Variants in ESRRG observed in about 807,000 individuals in gnomAD.
The protein encoded by ESRRG is estrogen-related receptor gamma.
ESRRG carries 13 observed loss-of-function variants against 44.0 expected under a neutral mutation model. The observed-to-expected ratio is 0.30, with a 90% confidence interval of 0.19 to 0.47. The LOEUF is 0.47. ESRRG is among the 20% of genes least tolerant of loss of function. ESRRG has a pLI of 1.00. For synonymous variants in ESRRG, 215 were observed against 214.6 expected, an observed-to-expected ratio of 1.00 and a Z score of -0.02; for missense variants, 395 against 580.6, an observed-to-expected ratio of 0.68 and a Z score of 3.29.
rs79792140 is a variant in ESRRG, at chr1:217,049,306, G to C, written c.-106+40201C>G. On this transcript the variant is annotated intron_variant, in intron 1 of 7. Transcript: ENST00000359162. ...TATGCTACTGTGAATCTCCAAGAAGGAGAATGAAGCCGGCACAGTCTCCTA... is the reference window on the plus strand; with the variant it reads ...TATGCTACTGTGAATCTCCAAGAAGCAGAATGAAGCCGGCACAGTCTCCTA... 7.3e-3 allele frequency among the ~76,000 whole-genome samples: 1,104 copies of C among 152,274 alleles called. 9 individuals carry two copies. Among genetic ancestry groups the C allele is most frequent in the Non-Finnish European group, 0.012 (793 of 68,024 alleles).
At chr1:216,527,785 C>T (rs1443089230) in intron 5 of ESRRG, among the ~76,000 whole-genome samples, 1 of 152,060 alleles carries the variant, frequency 6.6e-6, no homozygotes, top group Non-Finnish European at 1.5e-5. Flanking sequence ...TCTAAGGGCA[C>T]TTGTAAAATA....
intron 2 of ESRRG, among the ~76,000 whole-genome samples, chr1:216,903,577 C>A (rs1035329579): frequency 2.4e-4 from 36 of 151,768 alleles, no homozygotes; most frequent in African/African-American, 8.5e-4. Flanking sequence ...ACAGAGGAAA[C>A]AGCAGGCAGT....
At chr1:216,768,480 A>ATCTATCTATCTATCTATCTGTCTGTCTG (rs1553593172) in intron 2 of ESRRG, among the ~76,000 whole-genome samples, 2 of 150,170 alleles carry the variant, frequency 1.3e-5, no homozygotes, top group African/African-American at 4.9e-5. Context: ...CTATCTATCT[A>ATCTATCTATCTATCTATCTGTCTGTCTG]TCTATCTATC....
chr1:216,818,870 T>C (rs2095224449), intron 2 of ESRRG, among the ~76,000 whole-genome samples: 1 of 152,146 alleles, frequency 6.6e-6, no homozygotes, highest in African/African-American at 2.4e-5. Flanking sequence ...TGGTGTTTGA[T>C]TTTCTGTTCC....
At chr1:217,054,198 A>G (rs11117762) in intron 1 of ESRRG, among the ~76,000 whole-genome samples, 51,046 of 151,998 alleles carry the variant, frequency 0.34, 9,207 homozygotes, top group Non-Finnish European at 0.4. Flanking sequence ...GTTGTTTTTC[A>G]TCAAAATCTC....
chr1:216,781,322 A>G (rs1226274850), intron 2 of ESRRG, among the ~76,000 whole-genome samples: 1 of 152,022 alleles, frequency 6.6e-6, no homozygotes, highest in Non-Finnish European at 1.5e-5. Context: ...CTGGAGAGTA[A>G]GGCCATAGAG....
intron 1 of ESRRG, among the ~76,000 whole-genome samples, chr1:217,042,231 A>G (rs2083981339): frequency 6.6e-6 from 1 of 152,216 alleles, no homozygotes; most frequent in Non-Finnish European, 1.5e-5. Flanking sequence ...TTATGGAAAT[A>G]GAGAAAGCAT....
chr1:216,569,190 GGGAAAGGAAAGGAAAGGAAA>G (rs55924517), intron 3 of ESRRG, among the ~76,000 whole-genome samples: 60 of 53,858 alleles, frequency 1.1e-3, no homozygotes, highest in Non-Finnish European at 1.6e-3. Context: ...GGGAAGGGAA[GGGAAAGGAAAGGAAAGGAAA>G]GGAAAGGAAA....
chr1:217,107,012 C>G (rs898510517), intron 1 of ESRRG, among the ~76,000 whole-genome samples: 177 of 152,228 alleles, frequency 1.2e-3, no homozygotes, highest in African/African-American at 4.1e-3. Flanking sequence ...TTTCATAGAT[C>G]TGGATGTATG....
chr1:216,724,692 G>A (rs1213763597), upstream of ESRRG, among the ~76,000 whole-genome samples: 4 of 152,094 alleles, frequency 2.6e-5, no homozygotes, highest in Non-Finnish European at 4.4e-5. Context: ...AAAAATAAAA[G>A]GAGGATATAA....
chr1:216,691,276 A>G (rs1224115254), intron 1 of ESRRG, among the ~76,000 whole-genome samples: 2 of 152,208 alleles, frequency 1.3e-5, no homozygotes, highest in East Asian at 1.9e-4. Flanking sequence ...TGGTTAAGCT[A>G]TAAGTATATA....
At chr1:216,718,328 C>T (rs1262137186) in intron 1 of ESRRG, among the ~76,000 whole-genome samples, 1 of 151,904 alleles carries the variant, frequency 6.6e-6, no homozygotes, top group East Asian at 1.9e-4. Flanking sequence ...ATGCATATTT[C>T]ACATGCATAC....
At position 216,520,410 on chromosome 1, in the gene ESRRG, C is replaced by T. The variant is rs185225974; in HGVS notation, c.863-989G>A. ...TGCAAATCTGGGATGCATTCATACA[C>T]GCATATTTAAAGTCCCTCTGAGCTT... On this transcript the variant is annotated intron_variant, in intron 5 of 6. Transcript: ENST00000408911. Among the ~76,000 whole-genome samples the T allele has an allele frequency of 4.5e-3, 691 of 152,030 alleles. 2 individuals carry two copies. Among genetic ancestry groups the T allele is most frequent in the Middle Eastern group, 0.01 (3 of 294 alleles).
At chr1:217,092,736 G>A (rs891278756), upstream of ESRRG, among the ~76,000 whole-genome samples, 2 of 151,920 alleles carry the variant, frequency 1.3e-5, no homozygotes, top group African/African-American at 4.8e-5. Flanking sequence ...TTTCTCTTCG[G>A]GTTTACCTAA....
intron 2 of ESRRG, among the ~76,000 whole-genome samples, chr1:216,660,997 G>A (rs2072201454): frequency 6.6e-6 from 1 of 152,128 alleles, no homozygotes; most frequent in East Asian, 1.9e-4. Flanking sequence ...TCATGAGGGT[G>A]TGTTCTGAAA....
chr1:217,037,033 G>C (rs970122531), intron 1 of ESRRG, among the ~76,000 whole-genome samples: 1 of 152,092 alleles, frequency 6.6e-6, no homozygotes, highest in Non-Finnish European at 1.5e-5. Context: ...TGGACCACAA[G>C]GCTGAGTTTG....
chr1:216,978,102 AAACT>A (rs1342104534), intron 1 of ESRRG, among the ~76,000 whole-genome samples: 32 of 152,300 alleles, frequency 2.1e-4, no homozygotes, highest in African/African-American at 7.2e-4. Flanking sequence ...AGAAGGAAAC[AAACT>A]AAGACATGGA....
At chr1:217,093,262 G>A (rs2092375636), upstream of ESRRG, among the ~76,000 whole-genome samples, 1 of 152,136 alleles carries the variant, frequency 6.6e-6, no homozygotes, top group African/African-American at 2.4e-5. Flanking sequence ...AATTGCACAA[G>A]GAAGGGTTGA....
intron 1 of ESRRG, among the ~76,000 whole-genome samples, chr1:217,099,529 C>G (rs866568629): frequency 6.6e-6 from 1 of 152,070 alleles, no homozygotes; most frequent in South Asian, 2.1e-4. Context: ...ATGAATTGTA[C>G]CAAGGACCAA....
Sources: gnomAD v4.1 joint callset for allele counts (sites outside exome capture counted in the v4.1 genomes callset) on GRCh38, gnomAD v4.1.1 for gene constraint, MANE v1.5 for transcripts, NCBI Gene and HGNC (gene_info 2026-07-23, HGNC 2026-07-21) for gene names.